Variants in DEDD observed in about 807,000 individuals in gnomAD.
DEDD encodes death effector domain-containing protein.
Under a neutral mutation model 29.2 loss-of-function variants are expected in DEDD, and 3 were observed. The observed-to-expected ratio is 0.10, with a 90% CI of 0.05 to 0.27. DEDD has a LOEUF of 0.27. Among genes scored for constraint, DEDD ranks in the 10% least tolerant of loss-of-function variants. The pLI is 1.00. For missense variants in DEDD, 261 were observed against 420.5 expected (o/e 0.62, Z 3.32); for synonymous variants, 152 against 161.3 (o/e 0.94, Z 0.44).
intron 2 of DEDD, 172 bp from the exon 3 acceptor site, chr1:161,124,698 A>G: frequency 1.2e-6 from 1 of 849,104 alleles, no homozygotes; most frequent in African/African-American, 1.7e-5. Flanking sequence ...ACAGGGGCTC[A>G]CACCTGTAAT....
At position 161,121,902 on chromosome 1, in the gene DEDD, G is replaced by A. The variant is rs1280013461; in HGVS notation, c.*245C>T. On this transcript the variant is annotated 3_prime_UTR_variant, in exon 6 of 6. Transcript: ENST00000368006. ...TATACATTTGTCTTACGGCTCAGTG[G>A]TAAGGTAGCTGTAGAGACACATTAC... is the stretch of plus-strand genomic sequence containing the variant. 13 of 492,274 alleles carry A rather than the reference G, an allele frequency of 2.6e-5. No individual in the cohort carries two copies. The highest frequency in any genetic ancestry group is 4.7e-5 in the Non-Finnish European group (13 of 275,290). 30.5% of individuals were successfully genotyped at this position (492,274 alleles called of 1,614,324 possible).
Position 161,124,331 on chromosome 1 carries a change from C to T in DEDD, c.132G>A (p.Val44=), listed in dbSNP as rs1655916483. 6.2e-7 allele frequency: 1 copy of T among 1,614,238 alleles called. No homozygotes were observed. Among genetic ancestry groups the T allele is most frequent in the South Asian group, 1.1e-5 (1 of 91,084 alleles). Residue 44 remains valine (V), a synonymous_variant, in exon 3 of 6, where the codon GTG becomes GTA. Transcript: ENST00000368006. The part of the protein sequence containing the change: ...GTHLTHRDVR[V]LSFLFVDVID... The stretch of plus-strand genomic sequence containing the variant: ...TGACATCAACAAAGAGGAAAGAAAG[C>T]ACGCGCACATCTCTGTGTGTCAGAT...
intron 2 of DEDD, among the ~76,000 whole-genome samples, chr1:161,125,693 G>A (rs1291938383): frequency 6.6e-6 from 1 of 152,124 alleles, no homozygotes; most frequent in Non-Finnish European, 1.5e-5. Flanking sequence ...GTAGAGATGG[G>A]TTTTTACCAT....
At chr1:161,127,430 C>T (rs1218452262) in intron 2 of DEDD, among the ~76,000 whole-genome samples, 1 of 152,144 alleles carries the variant, frequency 6.6e-6, no homozygotes, top group Non-Finnish European at 1.5e-5. Flanking sequence ...AAAAACAAAG[C>T]TGATAGAGAA....
intron 5 of DEDD, 49 bp downstream of exon 5, chr1:161,123,026 T>A: frequency 6.2e-7 from 1 of 1,614,252 alleles, no homozygotes. Context: ...CAGTTCTTTA[T>A]ATTCTCCTTC....
In DEDD at chr1:161,122,613, T is replaced by A; in HGVS notation, c.581-90A>T. ...TTGAAAACTGAAAAGCACAACAGAA[T>A]AAAAAAGTAGGGAATATCACCTGAC... On this transcript the variant is annotated intron_variant, in intron 5 of 5. Transcript: ENST00000368006. This position sits in a 1 kb window ranked among gnomAD's most constrained non-coding sequence, Gnocchi z 4.2. The A allele has an allele frequency of 2.0e-6, 3 of 1,489,626 alleles. No individual in the cohort carries two copies. Among genetic ancestry groups the A allele is most frequent in the Admixed American group, 2.2e-5 (1 of 45,642 alleles). 92.3% of individuals were successfully genotyped at this position (1,489,626 alleles called of 1,614,324 possible). A position where few individuals can be genotyped will look rare whatever the true frequency, so the allele number is the denominator to read the frequency against.
Position 161,122,353 on chromosome 1 carries a change from A to G in DEDD, c.751T>C (p.Ser251Pro). ...AATGCATCGAGGTAGGTGAGCTCAG[A>G]GAACTTGATGTCACAGATGATGGAG... Reference protein sequence around the residue: ...LGSIICDIKFSELTYLDAFWR... With the variant: ...LGSIICDIKFPELTYLDAFWR... Residue 251 changes from serine to proline, a missense_variant, in exon 6 of 6, where the codon TCT becomes CCT. Physicochemically the swap from Ser to Pro is moderately conservative, Grantham distance 74. This residue lies in a region of DEDD where 58 missense variants were observed against 151.8 expected (regional missense o/e 0.38). Transcript: ENST00000368006. The surrounding 1 kb of genome is among the most constrained non-coding windows in gnomAD (Gnocchi z 4.2). 6.2e-7 allele frequency: 1 copy of G among 1,614,254 alleles called. No individual in the cohort carries two copies. The highest frequency in any genetic ancestry group is 8.5e-7 in the Non-Finnish European group (1 of 1,180,040).
chr1:161,130,196 T>C (rs1571240087), intron 2 of DEDD, among the ~76,000 whole-genome samples: 1 of 152,284 alleles, frequency 6.6e-6, no homozygotes, highest in East Asian at 1.9e-4. Flanking sequence ...TGTAATTTCA[T>C]AGAATTAAGA....
chr1:161,131,711 C>T lies in DEDD; in HGVS notation c.-98+840G>A, dbSNP rs563689892. ...CAAACCCAGTTGAATTCTCATCCAA[C>T]CCCAATTCTGCAAACCCACATGACC... On this transcript the variant is annotated intron_variant, in intron 1 of 5. Transcript: ENST00000368006. 3.9e-5 allele frequency among the ~76,000 whole-genome samples: 6 copies of T among 152,288 alleles called. No individual in the cohort carries two copies. The South Asian group carries it at 1.2e-3, about 32-fold the overall frequency.
chr1:161,128,461 C>T (rs1000079342), intron 2 of DEDD, among the ~76,000 whole-genome samples: 16 of 152,020 alleles, frequency 1.1e-4, no homozygotes, highest in African/African-American at 2.9e-4. Flanking sequence ...ATTAGCCTGG[C>T]GTGGTGGCAT....
chr1:161,122,110 G>C lies in DEDD; in HGVS notation c.*37C>G. ...AACAGTGTAAGCTCCAGAGGTGGGTGATGGGAACAGTCCCCAAAGTGAGAA... is the reference window on the plus strand; with the variant it reads ...AACAGTGTAAGCTCCAGAGGTGGGTCATGGGAACAGTCCCCAAAGTGAGAA... On this transcript the variant is annotated 3_prime_UTR_variant, in exon 6 of 6. Transcript: ENST00000368006. This position sits in a 1 kb window ranked among gnomAD's most constrained non-coding sequence, Gnocchi z 4.2. 1.2e-6 allele frequency: 2 copies of C among 1,605,430 alleles called. No homozygotes were observed. The highest frequency in any genetic ancestry group is 2.2e-5 in the South Asian group (2 of 90,470).
chr1:161,124,154 G>A lies in DEDD; in HGVS notation c.309C>T (p.Leu103=), dbSNP rs2101744753. 6.2e-7 allele frequency: 1 copy of A among 1,613,292 alleles called. No homozygotes were observed. Among genetic ancestry groups the A allele is most frequent in the South Asian group, 1.1e-5 (1 of 91,028 alleles). ...CTTCCTCACCAGCCCGTCTCCTCTT[G>A]AGGGTGACGTAGGGCAGCAGGTCGT... ...TRHDLLPYVT[L]KRRRAVCPDL... Residue 103 remains leucine (L), a synonymous_variant, in exon 3 of 6, where the codon CTC becomes CTT. Coordinates refer to ENST00000368006, the MANE Select transcript of DEDD (RefSeq NM_032998.3).
intron 2 of DEDD, among the ~76,000 whole-genome samples, chr1:161,125,812 C>G (rs995227028): frequency 6.6e-6 from 1 of 152,068 alleles, no homozygotes; most frequent in African/African-American, 2.4e-5. Context: ...TTGGCAATAC[C>G]ACCTTCTAAG....
intron 2 of DEDD, among the ~76,000 whole-genome samples, chr1:161,125,744 C>T (rs1557981895): frequency 6.6e-6 from 1 of 151,690 alleles, no homozygotes; most frequent in Non-Finnish European, 1.5e-5. Context: ...TCAGGTGATC[C>T]ACCCACCTCG....
chr1:161,124,552 G>A lies in DEDD; in HGVS notation c.-64-26C>T, dbSNP rs2101746439. 2.0e-6 allele frequency: 3 copies of A among 1,518,242 alleles called. No individual in the cohort carries two copies. The South Asian group carries it at 3.9e-5, about 20-fold the overall frequency. 94.0% of individuals were successfully genotyped at this position (1,518,242 alleles called of 1,614,324 possible). A position where few individuals can be genotyped will look rare whatever the true frequency, so the allele number is the denominator to read the frequency against. The stretch of plus-strand genomic sequence containing the variant: ...CTGAAAGGGCAGGGAAAGAACCGAT[G>A]AGACACTCAAGGGCAGGAACTAGTC... On this transcript the variant is annotated intron_variant, in intron 2 of 5. Transcript: ENST00000368006.
At position 161,123,861 on chromosome 1, in the gene DEDD, C is replaced by G. The variant is rs75250474; in HGVS notation, c.411G>C (p.Arg137Ser). ...CACCTGTTTTAGAGGGCTGGGGAGG[C>G]CTTGGTTCTGGATCACTGAGGGCTC... is the stretch of plus-strand genomic sequence containing the variant. ...TPRALSDPEP[R>S]PPQPSKTVPP... Residue 137 changes from arginine to serine, a missense_variant, in exon 4 of 6, where the codon AGG (arginine) becomes AGC (serine). Coordinates refer to ENST00000368006, the MANE Select transcript of DEDD (RefSeq NM_032998.3). The G allele has an allele frequency of 2.3e-4, 366 of 1,613,854 alleles. 1 individual carries two copies. In the African/African-American group the frequency reaches 4.3e-3, roughly 19 times the overall value.
chr1:161,121,179 A>G lies in DEDD; in HGVS notation c.*968T>C. ...ATTCAACATGCCTCCCTACCTAAAT[A>G]AAAGTGCAACACTCAGTGCATGTCC... On this transcript the variant is annotated 3_prime_UTR_variant, in exon 6 of 6. Coordinates refer to ENST00000368006, the MANE Select transcript of DEDD (RefSeq NM_032998.3). 9.6e-7 allele frequency: 1 copy of G among 1,041,218 alleles called. No individual in the cohort carries two copies. The highest frequency in any genetic ancestry group is 1.2e-6 in the Non-Finnish European group (1 of 862,508). 64.5% of individuals were successfully genotyped at this position (1,041,218 alleles called of 1,614,324 possible).
Position 161,124,577 on chromosome 1 carries a change from C to T in DEDD, c.-64-51G>A, listed in dbSNP as rs184617016. The T allele has an allele frequency of 7.5e-6, 11 of 1,476,230 alleles. No individual in the cohort carries two copies. The African/African-American group carries it at 1.4e-4, about 19-fold the overall frequency. The allele number at this position is 1,476,230 out of a possible 1,614,324, so 91.4% of individuals were successfully genotyped here. Reference sequence around the variant, plus strand: ...GAGACACTCAAGGGCAGGAACTAGTCTCATGCATTCCCATATTCCCAGTTG... The same window carrying T: ...GAGACACTCAAGGGCAGGAACTAGTTTCATGCATTCCCATATTCCCAGTTG... On this transcript the variant is annotated intron_variant, in intron 2 of 5. Coordinates refer to ENST00000368006, the MANE Select transcript of DEDD (RefSeq NM_032998.3).
At chr1:161,123,347 A>G (rs78180560) in intron 4 of DEDD, 126 bp from the exon 5 acceptor site, 28,599 of 970,624 alleles carry the variant, frequency 0.029, 520 homozygotes, top group Middle Eastern at 0.044. Context: ...GTGACTTGAA[A>G]AGACATGTGA....
Sources: gnomAD v4.1 joint callset for allele counts (sites outside exome capture counted in the v4.1 genomes callset) on GRCh38, gnomAD v4.1.1 for gene constraint, gnomAD v4.1.1 regional missense constraint, Gnocchi (gnomAD v3.1) non-coding constraint, MANE v1.5 for transcripts, NCBI Gene and HGNC (gene_info 2026-07-23, HGNC 2026-07-21) for gene names.